SYTL5: variants seen among roughly 807,000 people sequenced by gnomAD.
SYTL5 encodes synaptotagmin-like protein 5.
A neutral mutation model predicts 55.9 loss-of-function variants in SYTL5; 34 were observed. That is an observed-to-expected ratio of 0.61 (90% CI 0.46 to 0.81). The LOEUF (loss-of-function observed/expected upper bound fraction) is 0.81, where lower values mean the gene tolerates loss of function less well. Among genes scored for constraint, SYTL5 ranks in the 30% least tolerant of loss-of-function variants. SYTL5 has a pLI of 0.00. For missense variants in SYTL5, 637 were observed against 546.7 expected, an observed-to-expected ratio of 1.17 and a Z score of -1.65; for synonymous variants, 221 against 188.7, an observed-to-expected ratio of 1.17 and a Z score of -1.40.
chrX:37,965,404 A>G, the SYTL5 span, among the ~76,000 whole-genome samples: 238 of 111,896 alleles, frequency 2.1e-3, 1 homozygote, highest in African/African-American at 7.3e-3. Flanking sequence ...GCTTCCACAC[A>G]TTTATAAATT....
the SYTL5 span, among the ~76,000 whole-genome samples, chrX:37,891,888 C>A: frequency 9.0e-6 from 1 of 111,730 alleles, no homozygotes. Flanking sequence ...AATCTGGGAG[C>A]AAGGAATTCT....
At chrX:38,099,220 T>A (rs1937019895) in intron 9 of SYTL5, among the ~76,000 whole-genome samples, 1 of 111,171 alleles carries the variant, frequency 9.0e-6, no homozygotes, top group Admixed American at 9.5e-5. Flanking sequence ...TGATAATTGT[T>A]AAAACTAGGT....
At chrX:37,971,349 A>G in the SYTL5 span, among the ~76,000 whole-genome samples, 1 of 111,524 alleles carries the variant, frequency 9.0e-6, no homozygotes, top group Non-Finnish European at 1.9e-5. Context: ...TAAGAAGAGA[A>G]AGTCTGGTGT....
At chrX:37,890,850 C>A in the SYTL5 span, among the ~76,000 whole-genome samples, 1 of 111,435 alleles carries the variant, frequency 9.0e-6, no homozygotes, top group Non-Finnish European at 1.9e-5. Context: ...GCTGAGAGAC[C>A]AACCTACTAG....
At position 38,125,493 on chromosome X, in the gene SYTL5, G is replaced by C. The variant is rs1174220396; in HGVS notation, c.2037G>C (p.Leu679Phe). 16 of 1,210,378 alleles carry C rather than the reference G, an allele frequency of 1.3e-5. No homozygotes were observed. In the East Asian group the frequency reaches 4.1e-4, roughly 31 times the overall value. ...ACATCTTTCTGGGAGGAGTTCGTTT[G>C]AATTCTGGAAGTGGTGAGGGATTTG... ...SSNIFLGGVR[L>F]NSGSGVSHGK... The change falls in exon 16 of 17, where the codon TTG (leucine) becomes TTC (phenylalanine). Residue 679 changes from leucine (L) to phenylalanine (F), a missense_variant. Coordinates refer to ENST00000297875, the MANE Select transcript of SYTL5 (RefSeq NM_138780.3).
the SYTL5 span, among the ~76,000 whole-genome samples, chrX:37,971,858 T>C: frequency 9.3e-6 from 1 of 107,728 alleles, no homozygotes; most frequent in Non-Finnish European, 1.9e-5. Flanking sequence ...GGTTCTTGTG[T>C]GGTGGATCCA....
intron 1 of SYTL5, among the ~76,000 whole-genome samples, chrX:38,018,947 C>G (rs910626831): frequency 4.5e-5 from 5 of 111,982 alleles, no homozygotes; most frequent in African/African-American, 1.6e-4. Flanking sequence ...CTGACCTTTC[C>G]CCTGTCTTTC....
At chrX:37,896,907 G>A in the SYTL5 span, among the ~76,000 whole-genome samples, 1 of 112,308 alleles carries the variant, frequency 8.9e-6, no homozygotes, top group African/African-American at 3.2e-5. Context: ...TATAATTACT[G>A]CAGAGAAAAA....
At chrX:37,998,410 A>C in the SYTL5 span, among the ~76,000 whole-genome samples, 4,029 of 111,792 alleles carry the variant, frequency 0.036, 72 homozygotes, top group Middle Eastern at 0.064. Flanking sequence ...GGCATCTCCA[A>C]ACTTCCAGGT....
chrX:38,063,046 G>T (rs944913696), intron 3 of SYTL5, among the ~76,000 whole-genome samples: 2 of 110,528 alleles, frequency 1.8e-5, no homozygotes, highest in Non-Finnish European at 3.8e-5. Context: ...CCTTTCAAGT[G>T]CCCTCTTACT....
the SYTL5 span, among the ~76,000 whole-genome samples, chrX:37,929,638 T>C: frequency 1.8e-5 from 2 of 111,181 alleles, no homozygotes; most frequent in Non-Finnish European, 3.8e-5. Flanking sequence ...CTGAGGAGGA[T>C]TGAAGAGGTG....
intron 6 of SYTL5, among the ~76,000 whole-genome samples, chrX:38,082,604 T>A (rs1409732414): frequency 1.8e-5 from 2 of 112,588 alleles, no homozygotes; most frequent in African/African-American, 3.2e-5. Flanking sequence ...AAACAAATAA[T>A]TTAAATACAA....
intron 13 of SYTL5, 60 bp downstream of exon 13, chrX:38,110,542 T>A: frequency 2.1e-6 from 2 of 963,622 alleles, no homozygotes; most frequent in Non-Finnish European, 2.8e-6. Context: ...GCGAAATTGA[T>A]GTCACAGACC....
chrX:37,955,039 C>T, the SYTL5 span, among the ~76,000 whole-genome samples: 1 of 110,766 alleles, frequency 9.0e-6, no homozygotes, highest in Non-Finnish European at 1.9e-5. Flanking sequence ...CTGTAAAGAA[C>T]ACTGGATCTT....
At chrX:38,047,983 G>A (rs1488129241) in intron 2 of SYTL5, among the ~76,000 whole-genome samples, 10 of 110,409 alleles carry the variant, frequency 9.1e-5, no homozygotes, top group Non-Finnish European at 1.3e-4. Flanking sequence ...TCAGGAGATC[G>A]AGACCATCCT....
chrX:38,060,771 T>A (rs111273682), intron 3 of SYTL5, among the ~76,000 whole-genome samples: 263 of 112,461 alleles, frequency 2.3e-3, no homozygotes, highest in African/African-American at 8.2e-3. Flanking sequence ...TAAGTTGTTG[T>A]CAGAGGGTAT....
the SYTL5 span, among the ~76,000 whole-genome samples, chrX:37,979,263 A>G: frequency 9.1e-6 from 1 of 110,015 alleles, no homozygotes; most frequent in Non-Finnish European, 1.9e-5. Context: ...TAGTCACATT[A>G]CTGAATCCAC....
At chrX:37,908,121 G>GA in the SYTL5 span, among the ~76,000 whole-genome samples, 48 of 89,922 alleles carry the variant, frequency 5.3e-4, no homozygotes, top group East Asian at 2.5e-3. Flanking sequence ...TGTCTCTAAA[G>GA]AAAAAAAAAA....
At chrX:38,038,741 C>A (rs893143651) in intron 2 of SYTL5, among the ~76,000 whole-genome samples, 1 of 111,871 alleles carries the variant, frequency 8.9e-6, no homozygotes, top group Non-Finnish European at 1.9e-5. Flanking sequence ...CTGTACTAAT[C>A]AGTTTCAGAA....
Sources: gnomAD v4.1 joint callset for allele counts (sites outside exome capture counted in the v4.1 genomes callset) on GRCh38, gnomAD v4.1.1 for gene constraint, MANE v1.5 for transcripts, NCBI Gene and HGNC (gene_info 2026-07-23, HGNC 2026-07-21) for gene names.